Variants in PIP4P2 observed in about 807,000 individuals in gnomAD.
PIP4P2 encodes the protein type 2 phosphatidylinositol 4,5-bisphosphate 4-phosphatase.
Under a neutral mutation model 33.3 loss-of-function variants are expected in PIP4P2, and 19 were observed. The observed-to-expected ratio is 0.57, with a 90% confidence interval of 0.40 to 0.84. PIP4P2 has a LOEUF of 0.84. Among genes scored for constraint, PIP4P2 ranks in the 40% least tolerant of loss-of-function variants. PIP4P2 has a pLI of 0.00. For missense variants in PIP4P2, 270 were observed against 324.7 expected, an observed-to-expected ratio of 0.83 and a Z score of 1.29; for synonymous variants, 110 against 111.9, an observed-to-expected ratio of 0.98 and a Z score of 0.11.
At chr8:91,013,492 G>C (rs750440954) in intron 4 of PIP4P2, among the ~76,000 whole-genome samples, 4 of 151,970 alleles carry the variant, frequency 2.6e-5, no homozygotes, top group Non-Finnish European at 5.9e-5. Flanking sequence ...AATATCTATT[G>C]GTAACTATAG....
chr8:91,027,067 A>G (rs1472896632), intron 1 of PIP4P2, among the ~76,000 whole-genome samples: 1 of 152,232 alleles, frequency 6.6e-6, no homozygotes, highest in Admixed American at 6.5e-5. Context: ...CCTTAAAAGT[A>G]TCACTTATTT....
At chr8:91,005,181 T>A (rs1811749784) in intron 5 of PIP4P2, among the ~76,000 whole-genome samples, 1 of 152,146 alleles carries the variant, frequency 6.6e-6, no homozygotes, top group Non-Finnish European at 1.5e-5. Context: ...TTCTTCTAGA[T>A]CCTGCATGTC....
intron 5 of PIP4P2, among the ~76,000 whole-genome samples, chr8:91,004,459 G>T (rs1377654937): frequency 6.6e-6 from 1 of 152,076 alleles, no homozygotes; most frequent in East Asian, 1.9e-4. Context: ...CATTTCTTTA[G>T]ACATTCCTTA....
intron 1 of PIP4P2, among the ~76,000 whole-genome samples, chr8:91,036,576 C>T (rs1812234913): frequency 6.6e-6 from 1 of 152,146 alleles, no homozygotes; most frequent in Admixed American, 6.5e-5. Context: ...CACCTGAGTC[C>T]AAGCTACTGA....
At chr8:91,004,935 A>G (rs763213710) in intron 5 of PIP4P2, among the ~76,000 whole-genome samples, 1 of 152,184 alleles carries the variant, frequency 6.6e-6, no homozygotes, top group African/African-American at 2.4e-5. Flanking sequence ...AAGGACACTT[A>G]GGAATATAGA....
At chr8:91,022,905 A>G (rs781325868) in intron 1 of PIP4P2, among the ~76,000 whole-genome samples, 1 of 152,208 alleles carries the variant, frequency 6.6e-6, no homozygotes, top group African/African-American at 2.4e-5. Flanking sequence ...TGGGAGGCTT[A>G]TAACAGAACA....
rs184725907 is a variant in PIP4P2 at position 90,996,763 on chromosome 8, A to C, written c.540-19T>G. 6.4e-7 allele frequency: 1 copy of C among 1,573,174 alleles called. No individual in the cohort carries two copies. Among genetic ancestry groups the C allele is most frequent in the East Asian group, 2.3e-5 (1 of 43,268 alleles). ...TGAGGAGCTGCAAATTCATGAAAGCAAAAGAGAACATTAAGTATTTACATA... is the reference window on the plus strand; with the variant it reads ...TGAGGAGCTGCAAATTCATGAAAGCCAAAGAGAACATTAAGTATTTACATA... On this transcript the variant is annotated intron_variant, in intron 5 of 6. Transcript: ENST00000285419.
intron 4 of PIP4P2, among the ~76,000 whole-genome samples, chr8:91,013,649 C>T (rs1222585833): frequency 6.6e-6 from 1 of 152,096 alleles, no homozygotes; most frequent in East Asian, 1.9e-4. Context: ...ATCCTCCCAC[C>T]TCAATCTCCT....
At chr8:91,035,929 T>C (rs1327682399) in intron 1 of PIP4P2, among the ~76,000 whole-genome samples, 1 of 151,992 alleles carries the variant, frequency 6.6e-6, no homozygotes, top group African/African-American at 2.4e-5. Flanking sequence ...GGAGGATTAG[T>C]TGGGCCTGAG....
At chr8:91,024,211 TC>T (rs1464977583) in intron 1 of PIP4P2, 3 of 308,666 alleles carry the variant, frequency 9.7e-6, no homozygotes, top group South Asian at 8.5e-5. Context: ...CAATGTTCTA[TC>T]CATTACTTCA....
At chr8:91,031,296 A>G (rs917538880) in intron 1 of PIP4P2, among the ~76,000 whole-genome samples, 2 of 152,188 alleles carry the variant, frequency 1.3e-5, no homozygotes, top group African/African-American at 4.8e-5. Flanking sequence ...ATAGAAATCA[A>G]TGTTTATTTG....
At position 91,021,267 on chromosome 8, in the gene PIP4P2, T is replaced by G. The variant is rs1344561953; in HGVS notation, c.244A>C (p.Asn82His). ...AAATCTCCACTTACCGTAGCTTCAT[T>G]GCAAACTGTGCACTTAACCACATGC... ...HQHVVKCTVC[N>H]EATPIKNPPT... The change falls in exon 2 of 7, where the codon AAT becomes CAT. Residue 82 changes from asparagine to histidine, a missense_variant. Asn to His is a moderately conservative substitution (Grantham distance 68). Transcript: ENST00000285419. 6.2e-7 allele frequency: 1 copy of G among 1,613,586 alleles called. No homozygotes were observed. The highest frequency in any genetic ancestry group is 1.7e-5 in the Admixed American group (1 of 59,912).
chr8:91,020,721 T>C (rs1811996570), intron 2 of PIP4P2, among the ~76,000 whole-genome samples: 1 of 152,180 alleles, frequency 6.6e-6, no homozygotes, highest in Non-Finnish European at 1.5e-5. Flanking sequence ...ATTTTAAACA[T>C]TCCTAAATTA....
intron 3 of PIP4P2, among the ~76,000 whole-genome samples, chr8:91,019,566 A>C (rs1246090388): frequency 2.7e-5 from 4 of 146,056 alleles, no homozygotes; most frequent in African/African-American, 9.9e-5. Flanking sequence ...CTCTGTCTCA[A>C]AAAAAAAAAA....
chr8:91,026,159 T>C (rs1033901142), intron 1 of PIP4P2, among the ~76,000 whole-genome samples: 4 of 152,136 alleles, frequency 2.6e-5, no homozygotes, highest in Non-Finnish European at 4.4e-5. Context: ...GGAGGTGATA[T>C]TGGGAGGCTG....
Position 91,018,390 on chromosome 8 carries a change from C to A in PIP4P2, c.486G>T (p.Leu162=). ...VVCGHCGNTF[L]WMELRFNTLA... is the part of the protein sequence containing the mutation. ...TAATGACAAATGTCCAGTGACTTAC[C>A]AGGAATGTGTTTCCACAGTGCCCAC... Residue 162 remains leucine (L), a splice_region_variant and synonymous_variant, in exon 4 of 7, where the codon CTG becomes CTT. Transcript: ENST00000285419. 5 of 1,613,848 alleles carry A rather than the reference C, an allele frequency of 3.1e-6. No homozygotes were observed. Among genetic ancestry groups the A allele is most frequent in the Non-Finnish European group, 4.2e-6 (5 of 1,179,838 alleles).
chr8:91,010,252 T>G (rs1008131230), intron 4 of PIP4P2, among the ~76,000 whole-genome samples: 4 of 151,908 alleles, frequency 2.6e-5, no homozygotes, highest in Non-Finnish European at 4.4e-5. Context: ...GTTACTGAAC[T>G]TGTAATGTCA....
chr8:90,995,676 C>A lies in PIP4P2; in HGVS notation c.*1G>T. 6.2e-7 allele frequency: 1 copy of A among 1,608,182 alleles called. No individual in the cohort carries two copies. Among genetic ancestry groups the A allele is most frequent in the Non-Finnish European group, 8.5e-7 (1 of 1,177,950 alleles). ...CCTGCATTACTGAATCATAAACAAG[C>A]TTATGCAAAACTGTGTTCTGGATAA... On this transcript the variant is annotated 3_prime_UTR_variant, in exon 7 of 7. Transcript: ENST00000285419.
intron 4 of PIP4P2, among the ~76,000 whole-genome samples, chr8:91,016,361 T>G (rs1027912251): frequency 1.3e-5 from 2 of 149,652 alleles, no homozygotes; most frequent in South Asian, 4.3e-4. Context: ...AAATGATGAG[T>G]TCAAAAAGAC....
Sources: gnomAD v4.1 joint callset for allele counts (sites outside exome capture counted in the v4.1 genomes callset) on GRCh38, gnomAD v4.1.1 for gene constraint, MANE v1.5 for transcripts, NCBI Gene and HGNC (gene_info 2026-07-23, HGNC 2026-07-21) for gene names.